Variants in SDCBP2 observed in about 807,000 individuals in gnomAD.
The protein encoded by SDCBP2 is syndecan binding protein 2.
In SDCBP2, 28 loss-of-function variants were observed where a neutral mutation model predicts 30.7. The observed-to-expected ratio is 0.91, with a 90% confidence interval of 0.68 to 1.25. The LOEUF is 1.25. Among genes scored for constraint, SDCBP2 ranks in the 50% most tolerant of loss-of-function variants. The probability of loss-of-function intolerance (pLI) is 0.00; values close to 1 mark genes in which losing one functional copy is unlikely to be tolerated. For synonymous variants in SDCBP2, 166 were observed against 157.3 expected (o/e 1.06, Z -0.41); for missense variants, 399 against 379.0 (o/e 1.05, Z -0.44).
Position 1,310,184 on chromosome 20 carries a change from C to T in SDCBP2, c.*257G>A, listed in dbSNP as rs755960817. 1.1e-4 allele frequency: 44 copies of T among 401,344 alleles called. No individual in the cohort carries two copies. Among genetic ancestry groups the T allele is most frequent in the African/African-American group, 1.6e-4 (8 of 48,834 alleles). 24.9% of individuals were successfully genotyped at this position (401,344 alleles called of 1,614,324 possible). ...AAGCAGCGTTTAAACAGCCTGCCTC[C>T]GTGTCCAGCATTTAAATCAGCACAA... On this transcript the variant is annotated 3_prime_UTR_variant, in exon 9 of 9. Transcript: ENST00000360779.
intron 5 of SDCBP2, 27 bp from the exon 6 acceptor site, chr20:1,312,789 G>T (rs774696099): frequency 6.3e-7 from 1 of 1,592,430 alleles, no homozygotes; most frequent in South Asian, 1.1e-5. Flanking sequence ...CCCAGAGTCA[G>T]TGTCCCTGGC....
At chr20:1,326,741 C>A (rs2088933430) in intron 1 of SDCBP2, among the ~76,000 whole-genome samples, 2 of 152,236 alleles carry the variant, frequency 1.3e-5, no homozygotes, top group Admixed American at 6.5e-5. Context: ...GGTTGGATTT[C>A]CACTGTGCTG....
chr20:1,328,206 TGA>T (rs1235644840), intron 1 of SDCBP2, among the ~76,000 whole-genome samples: 1 of 151,596 alleles, frequency 6.6e-6, no homozygotes, highest in African/African-American at 2.4e-5. Flanking sequence ...GCTGGAGAAG[TGA>T]GAGGGGCCAG....
chr20:1,326,025 A>C (rs2088920689), intron 1 of SDCBP2, among the ~76,000 whole-genome samples: 1 of 152,066 alleles, frequency 6.6e-6, no homozygotes, highest in African/African-American at 2.4e-5. Context: ...GTTATGAGGG[A>C]CTCAGGCAGT....
intron 1 of SDCBP2, among the ~76,000 whole-genome samples, chr20:1,325,077 A>C (rs912118): frequency 6.6e-6 from 1 of 151,844 alleles, no homozygotes; most frequent in Non-Finnish European, 1.5e-5. Context: ...CCTCTGTCTC[A>C]ATTTCCTGCT....
chr20:1,310,462 G>T lies in SDCBP2; in HGVS notation c.858C>A (p.Asp286Glu). ...LPPVLLHHTM[D>E]HSIPDA ...GGCTTCAGGCATCTGGGATGGAGTG[G>T]TCCATGGTGTGGTGGAGCAGGACTG... The change falls in exon 9 of 9, where the codon GAC (aspartate) becomes GAA (glutamate). Residue 286 changes from aspartate (D) to glutamate (E), a missense_variant. Asp to Glu is a conservative substitution (Grantham distance 45). Transcript: ENST00000360779. The T allele has an allele frequency of 6.2e-7, 1 of 1,613,624 alleles. No homozygotes were observed. Among genetic ancestry groups the T allele is most frequent in the Non-Finnish European group, 8.5e-7 (1 of 1,179,958 alleles).
chr20:1,318,044 C>A, intron 4 of SDCBP2: 1 of 496,262 alleles, frequency 2.0e-6, no homozygotes, highest in Non-Finnish European at 3.9e-6. Flanking sequence ...GCTTAATGAC[C>A]TCCCTTCTCA....
At chr20:1,319,479 T>C (rs2088824071) in intron 3 of SDCBP2, 111 bp downstream of exon 3, 1 of 1,156,576 alleles carries the variant, frequency 8.6e-7, no homozygotes, top group Admixed American at 2.0e-5. Flanking sequence ...CCCACCATGT[T>C]GAGTCCTTAA....
rs2088886684 is a variant in SDCBP2, at chr20:1,324,187, T to G, written c.-19-3752A>C. 1 of 152,198 alleles carries G rather than the reference T, an allele frequency of 6.6e-6. No individual in the cohort carries two copies. The highest frequency in any genetic ancestry group is 2.4e-5 in the African/African-American group (1 of 41,428). The allele number at this position is 152,198 out of a possible 1,614,324, so 9.4% of individuals were successfully genotyped here. The stretch of plus-strand genomic sequence containing the variant: ...TTCCACCCCTGACCTGTACTGCCCC[T>G]GTTGCCAAGCTATTTATCAAATTAT... On this transcript the variant is annotated intron_variant, in intron 1 of 8. Coordinates refer to ENST00000360779, the MANE Select transcript of SDCBP2 (RefSeq NM_080489.5). The surrounding 1 kb of genome is among the most constrained non-coding windows in gnomAD (Gnocchi z 4.7).
chr20:1,314,034 A>G (rs1426186350), intron 4 of SDCBP2, among the ~76,000 whole-genome samples: 1 of 152,204 alleles, frequency 6.6e-6, no homozygotes, highest in Non-Finnish European at 1.5e-5. Flanking sequence ...GTTCCTATTT[A>G]TAGATGGCAC....
chr20:1,313,196 G>T lies in SDCBP2; in HGVS notation c.384+144C>A. 1 of 854,934 alleles carries T rather than the reference G, an allele frequency of 1.2e-6. No homozygotes were observed. The highest frequency in any genetic ancestry group is 1.8e-6 in the Non-Finnish European group (1 of 547,444). 53.0% of individuals were successfully genotyped at this position (854,934 alleles called of 1,614,324 possible). On this transcript the variant is annotated intron_variant, in intron 5 of 8. Coordinates refer to ENST00000360779, the MANE Select transcript of SDCBP2 (RefSeq NM_080489.5). The surrounding 1 kb of genome is among the most constrained non-coding windows in gnomAD (Gnocchi z 5.2). ...CCCCGCCCGGGTCTCGGGGAGGAGG[G>T]ACTGGGGGCAAGAGCCTGGCCGCTG...
Position 1,312,400 on chromosome 20 carries a change from G to T in SDCBP2, c.669C>A (p.Arg223=). ...CGTAGTGGTTGGTGAGGAGCCCGTT[G>T]CGGGCCGCAGAACTCCCTTTGACCA... ...VSLVKGSSAA[R]NGLLTNHYVC... is the part of the protein sequence containing the mutation. Residue 223 remains arginine, a synonymous_variant, in exon 7 of 9, where the codon CGC becomes CGA. Coordinates refer to ENST00000360779, the MANE Select transcript of SDCBP2 (RefSeq NM_080489.5). 1.2e-6 allele frequency: 2 copies of T among 1,613,632 alleles called. No homozygotes were observed. Among genetic ancestry groups the T allele is most frequent in the Middle Eastern group, 1.6e-4 (1 of 6,062 alleles).
At position 1,313,637 on chromosome 20, in the gene SDCBP2, C is replaced by A; in HGVS notation, c.226-139G>T. The A allele has an allele frequency of 7.2e-7, 1 of 1,398,034 alleles. No individual in the cohort carries two copies. The allele number at this position is 1,398,034 out of a possible 1,614,324, so 86.6% of individuals were successfully genotyped here. ...CCCCACGTCCCCAGTCCACGCTTCT[C>A]CCCTAGGGGCGAGAGGAGACGTGGC... On this transcript the variant is annotated intron_variant, in intron 4 of 8. Coordinates refer to ENST00000360779, the MANE Select transcript of SDCBP2 (RefSeq NM_080489.5). This position sits in a 1 kb window ranked among gnomAD's most constrained non-coding sequence, Gnocchi z 5.2.
In SDCBP2 at chr20:1,318,398, C is replaced by T. The variant is rs773636897; in HGVS notation, c.145G>A (p.Glu49Lys). 24 of 1,603,440 alleles carry T rather than the reference C, an allele frequency of 1.5e-5. No individual in the cohort carries two copies. The Admixed American group carries it at 3.2e-4, about 22-fold the overall frequency. The change falls in exon 4 of 9, where the codon GAA (glutamate) becomes AAA (lysine). Residue 49 changes from glutamate to lysine, a missense_variant. Coordinates refer to ENST00000360779, the MANE Select transcript of SDCBP2 (RefSeq NM_080489.5). ...PPPVLYPNLA[E>K]LENYMGLSLS... The stretch of plus-strand genomic sequence containing the variant: ...GAAAGACCCATATAATTTTCCAGTT[C>T]TGCCAAGTTTGGGTACAAAACTGAT...
intron 3 of SDCBP2, 137 bp from the exon 4 acceptor site, chr20:1,318,555 G>GCT: frequency 1.7e-6 from 1 of 591,226 alleles, no homozygotes; most frequent in Non-Finnish European, 3.0e-6. Flanking sequence ...AGACTGTGGG[G>GCT]TATCCCCAGG....
chr20:1,310,187 G>A lies in SDCBP2; in HGVS notation c.*254C>T. 2.4e-6 allele frequency: 1 copy of A among 412,250 alleles called. No individual in the cohort carries two copies. 25.5% of individuals were successfully genotyped at this position (412,250 alleles called of 1,614,324 possible). A position where few individuals can be genotyped will look rare whatever the true frequency, so the allele number is the denominator to read the frequency against. Reference sequence around the variant, plus strand: ...CAGCGTTTAAACAGCCTGCCTCCGTGTCCAGCATTTAAATCAGCACAAGAG... The same window carrying A: ...CAGCGTTTAAACAGCCTGCCTCCGTATCCAGCATTTAAATCAGCACAAGAG... On this transcript the variant is annotated 3_prime_UTR_variant, in exon 9 of 9. Coordinates refer to ENST00000360779, the MANE Select transcript of SDCBP2 (RefSeq NM_080489.5).
intron 1 of SDCBP2, among the ~76,000 whole-genome samples, chr20:1,327,133 C>T (rs73579400): frequency 0.038 from 5,841 of 152,264 alleles, 314 homozygotes; most frequent in African/African-American, 0.12. Flanking sequence ...ACCCACCTAA[C>T]CCCTCTCTCT....
chr20:1,320,256 C>G lies in SDCBP2; in HGVS notation c.54+107G>C. ...GGCCCTGCAGTGGACACCTACATGC[C>G]CTGAGGCCTACGGGAATCTCCAAGT... On this transcript the variant is annotated intron_variant, in intron 2 of 8. Coordinates refer to ENST00000360779, the MANE Select transcript of SDCBP2 (RefSeq NM_080489.5). This position sits in a 1 kb window ranked among gnomAD's most constrained non-coding sequence, Gnocchi z 4.7. 1 of 995,406 alleles carries G rather than the reference C, an allele frequency of 1.0e-6. No homozygotes were observed. Among genetic ancestry groups the G allele is most frequent in the East Asian group, 2.4e-5 (1 of 41,830 alleles). The allele number at this position is 995,406 out of a possible 1,614,324, so 61.7% of individuals were successfully genotyped here. A position where few individuals can be genotyped will look rare whatever the true frequency, so the allele number is the denominator to read the frequency against.
At chr20:1,311,555 A>G (rs1232663308) in intron 7 of SDCBP2, among the ~76,000 whole-genome samples, 1 of 152,184 alleles carries the variant, frequency 6.6e-6, no homozygotes, top group Non-Finnish European at 1.5e-5. Context: ...TACATTACAC[A>G]TGTATGTTAT....
Sources: gnomAD v4.1 joint callset for allele counts (sites outside exome capture counted in the v4.1 genomes callset) on GRCh38, gnomAD v4.1.1 for gene constraint, Gnocchi (gnomAD v3.1) non-coding constraint, MANE v1.5 for transcripts, NCBI Gene and HGNC (gene_info 2026-07-23, HGNC 2026-07-21) for gene names.